The following STARD13 variants were observed in gnomAD, a reference collection of about 807,000 sequenced individuals.
STARD13 encodes StAR related lipid transfer domain containing 13.
In STARD13, 62 loss-of-function variants were observed where a neutral mutation model predicts 106.4. The ratio of observed to expected loss-of-function variants is 0.58; its 90% confidence interval spans 0.48 to 0.72. STARD13 has a LOEUF of 0.72. Ranked by LOEUF, STARD13 falls within the 30% of genes least tolerant of loss-of-function variation. The pLI, the probability that STARD13 is intolerant of heterozygous loss-of-function variation, is 0.00. For missense variants in STARD13, 1,387 were observed against 1,424.0 expected, an observed-to-expected ratio of 0.97 and a Z score of 0.42; for synonymous variants, 565 against 553.0, an observed-to-expected ratio of 1.02 and a Z score of -0.31.
the STARD13 span, among the ~76,000 whole-genome samples, chr13:33,606,478 C>G: frequency 6.6e-6 from 1 of 151,844 alleles, no homozygotes; most frequent in Non-Finnish European, 1.5e-5. Flanking sequence ...AATGATTTTT[C>G]TTCCATTTTT....
At chr13:33,672,756 T>C in the STARD13 span, among the ~76,000 whole-genome samples, 56 of 152,348 alleles carry the variant, frequency 3.7e-4, no homozygotes, top group African/African-American at 1.2e-3. Flanking sequence ...TGGGAAATAA[T>C]TATTTGCAAC....
intron 1 of STARD13, among the ~76,000 whole-genome samples, chr13:33,341,370 G>A (rs575268147): frequency 6.6e-6 from 1 of 152,280 alleles, no homozygotes; most frequent in South Asian, 2.1e-4. Context: ...ATGGCGCGGT[G>A]CCTCAAGCCT....
At chr13:33,662,968 T>A in the STARD13 span, among the ~76,000 whole-genome samples, 12 of 152,336 alleles carry the variant, frequency 7.9e-5, no homozygotes, top group African/African-American at 2.6e-4. Flanking sequence ...TGAGAATATA[T>A]CAAATTCAGT....
chr13:33,565,046 C>T, the STARD13 span, among the ~76,000 whole-genome samples: 1 of 145,226 alleles, frequency 6.9e-6, no homozygotes, highest in African/African-American at 2.5e-5. Context: ...AGCACCATGG[C>T]TGGAACCAGA....
the STARD13 span, among the ~76,000 whole-genome samples, chr13:33,410,325 G>C: frequency 2.0e-5 from 3 of 152,196 alleles, no homozygotes; most frequent in African/African-American, 7.2e-5. Context: ...AAAAATGTAG[G>C]TGCTATACAC....
intron 1 of STARD13, among the ~76,000 whole-genome samples, chr13:33,181,265 CAT>C (rs1491043329): frequency 1.5e-5 from 2 of 134,858 alleles, no homozygotes; most frequent in African/African-American, 2.6e-5. Flanking sequence ...TTCACTCACA[CAT>C]ACATACACAC....
the STARD13 span, among the ~76,000 whole-genome samples, chr13:33,565,354 A>T: frequency 6.8e-6 from 1 of 147,844 alleles, no homozygotes; most frequent in African/African-American, 2.5e-5. Flanking sequence ...ATGTTTCTAG[A>T]GTAAAGAAAA....
intron 1 of STARD13, among the ~76,000 whole-genome samples, chr13:33,305,683 TG>T: frequency 6.6e-6 from 1 of 152,318 alleles, no homozygotes; most frequent in South Asian, 2.1e-4. Flanking sequence ...GTAAGGTATT[TG>T]GGGAGCCTTA....
chr13:33,496,003 T>A, the STARD13 span, among the ~76,000 whole-genome samples: 1 of 141,716 alleles, frequency 7.1e-6, no homozygotes, highest in Non-Finnish European at 1.5e-5. Flanking sequence ...TATAAATTAT[T>A]ATAATTATAT....
the STARD13 span, among the ~76,000 whole-genome samples, chr13:33,662,762 A>T: frequency 2.0e-5 from 3 of 152,356 alleles, no homozygotes; most frequent in East Asian, 5.8e-4. Context: ...ACGAATTTTT[A>T]AAGCTGACAC....
chr13:33,468,561 C>T, the STARD13 span, among the ~76,000 whole-genome samples: 2 of 152,096 alleles, frequency 1.3e-5, no homozygotes, highest in East Asian at 1.9e-4. Flanking sequence ...ACAAGTTCAG[C>T]CATCTTTGCC....
chr13:33,173,150 G>T (rs1884163235), intron 1 of STARD13, among the ~76,000 whole-genome samples: 1 of 152,174 alleles, frequency 6.6e-6, no homozygotes, highest in Admixed American at 6.6e-5. Flanking sequence ...CACTATTAAA[G>T]TATATCAAAG....
chr13:33,641,879 A>T, the STARD13 span, among the ~76,000 whole-genome samples: 19 of 152,190 alleles, frequency 1.2e-4, no homozygotes, highest in African/African-American at 4.3e-4. Context: ...AATGAACAGG[A>T]TTGTGATATT....
At chr13:33,639,190 G>A in the STARD13 span, among the ~76,000 whole-genome samples, 4 of 152,312 alleles carry the variant, frequency 2.6e-5, no homozygotes, top group South Asian at 8.3e-4. Context: ...ATGATGAAGA[G>A]TTGGAGAGTT....
At chr13:33,117,033 A>G (rs1410044957) in intron 8 of STARD13, among the ~76,000 whole-genome samples, 2 of 152,312 alleles carry the variant, frequency 1.3e-5, no homozygotes, top group African/African-American at 4.8e-5. Context: ...TTTTTCCCCC[A>G]TGAATTGGGA....
the STARD13 span, among the ~76,000 whole-genome samples, chr13:33,548,659 AT>A: frequency 6.6e-6 from 1 of 152,188 alleles, no homozygotes; most frequent in Non-Finnish European, 1.5e-5. Flanking sequence ...GCTTAAGAAG[AT>A]TATACCACCT....
chr13:33,145,448 A>G (rs1593960130), intron 3 of STARD13, among the ~76,000 whole-genome samples: 1 of 152,204 alleles, frequency 6.6e-6, no homozygotes, highest in Non-Finnish European at 1.5e-5. Flanking sequence ...ATATATTTTT[A>G]GTACTTGATC....
chr13:33,495,703 C>A, the STARD13 span, among the ~76,000 whole-genome samples: 1 of 151,246 alleles, frequency 6.6e-6, no homozygotes, highest in East Asian at 1.9e-4. Context: ...TTCCATGCCT[C>A]TTTTATAATG....
intron 1 of STARD13, among the ~76,000 whole-genome samples, chr13:33,293,790 C>G (rs1386399864): frequency 1.3e-5 from 2 of 152,182 alleles, no homozygotes; most frequent in African/African-American, 4.8e-5. Context: ...ACATCTTTCT[C>G]CTGTGCTGGA....
Sources: allele counts gnomAD v4.1 joint callset (sites outside exome capture counted in the v4.1 genomes callset), GRCh38; gene constraint gnomAD v4.1.1; transcripts MANE v1.5; gene names NCBI Gene and HGNC (gene_info 2026-07-23, HGNC 2026-07-21).